Variants in SHROOM4 observed in about 807,000 individuals in gnomAD.
SHROOM4 encodes protein Shroom4.
SHROOM4 carries 17 observed loss-of-function variants against 80.3 expected under a neutral mutation model. The observed-to-expected ratio is 0.21, with a 90% CI of 0.14 to 0.32. SHROOM4 has a LOEUF of 0.32. Among genes scored for constraint, SHROOM4 ranks in the 10% least tolerant of loss-of-function variants. The pLI, the probability that SHROOM4 is intolerant of heterozygous loss-of-function variation, is 1.00. For synonymous variants in SHROOM4, 400 were observed against 437.5 expected, an observed-to-expected ratio of 0.91 and a Z score of 1.07; for missense variants, 993 against 1,140.3, an observed-to-expected ratio of 0.87 and a Z score of 1.86.
At chrX:50,606,418 T>C (rs1280322809) in intron 6 of SHROOM4, among the ~76,000 whole-genome samples, 1 of 110,447 alleles carries the variant, frequency 9.1e-6, no homozygotes, top group Non-Finnish European at 1.9e-5. Flanking sequence ...AAATTCCTGC[T>C]ATAAAGAGAG....
At chrX:50,631,052 T>C (rs1325390158) in intron 4 of SHROOM4, among the ~76,000 whole-genome samples, 1 of 69,936 alleles carries the variant, frequency 1.4e-5, no homozygotes, top group Non-Finnish European at 2.8e-5. Context: ...AGCATTACCT[T>C]GATACAAACA....
chrX:50,795,098 T>TG (rs1557271956), intron 1 of SHROOM4, among the ~76,000 whole-genome samples: 2 of 57,399 alleles, frequency 3.5e-5, no homozygotes, highest in African/African-American at 1.8e-4. Flanking sequence ...GATATATATA[T>TG]ATGATATATA....
chrX:50,795,062 GAT>G lies in SHROOM4; in HGVS notation c.117+18838_117+18839del, dbSNP rs1313471402. 4.7e-3 allele frequency among the ~76,000 whole-genome samples: 160 copies of G among 34,015 alleles called. 19 individuals carry two copies. The highest frequency in any genetic ancestry group is 0.014 in the African/African-American group (106 of 7,725). 29.5% of individuals were successfully genotyped at this position (34,015 alleles called of 115,157 possible). A position where few individuals can be genotyped will look rare whatever the true frequency, so the allele number is the denominator to read the frequency against. ...TCTCATATATATATGATATATATAT[GAT>G]ATATATATATGATATATATATATGA... On this transcript the variant is annotated intron_variant, in intron 1 of 8. Transcript: ENST00000376020.
At chrX:50,609,716 TTATATGTGTATA>T (rs1929870163) in intron 5 of SHROOM4, among the ~76,000 whole-genome samples, 1 of 109,173 alleles carries the variant, frequency 9.2e-6, no homozygotes, top group Non-Finnish European at 1.9e-5. Flanking sequence ...ATTATATATG[TTATATGTGTATA>T]TATATGTGTA....
At chrX:50,678,052 T>C (rs1250636531) in intron 2 of SHROOM4, among the ~76,000 whole-genome samples, 1 of 111,885 alleles carries the variant, frequency 8.9e-6, no homozygotes, top group Non-Finnish European at 1.9e-5. Context: ...GTCACATCCA[T>C]TCCATCCTGG....
intron 5 of SHROOM4, among the ~76,000 whole-genome samples, chrX:50,611,949 T>C (rs781985162): frequency 9.0e-6 from 1 of 110,706 alleles, no homozygotes; most frequent in Non-Finnish European, 1.9e-5. Flanking sequence ...AAAGAAAAAC[T>C]TGTAGCCTTA....
chrX:50,776,357 T>A (rs781990494), intron 1 of SHROOM4, among the ~76,000 whole-genome samples: 1 of 111,901 alleles, frequency 8.9e-6, no homozygotes, highest in Non-Finnish European at 1.9e-5. Context: ...CTAATAATAA[T>A]AATACAAGGT....
At chrX:50,781,190 A>C (rs1557270632) in intron 1 of SHROOM4, among the ~76,000 whole-genome samples, 1 of 110,781 alleles carries the variant, frequency 9.0e-6, no homozygotes, top group Admixed American at 9.5e-5. Flanking sequence ...GATCTTCTTT[A>C]TTCAGTCTAC....
chrX:50,706,956 G>A (rs1557264015), intron 1 of SHROOM4, among the ~76,000 whole-genome samples: 2 of 111,241 alleles, frequency 1.8e-5, no homozygotes, highest in African/African-American at 6.5e-5. Context: ...ACACACACAA[G>A]CCCTCACAAA....
At chrX:50,659,089 G>T (rs1569547168) in intron 2 of SHROOM4, among the ~76,000 whole-genome samples, 1 of 111,695 alleles carries the variant, frequency 9.0e-6, no homozygotes, top group Non-Finnish European at 1.9e-5. Context: ...TTCTAGAGAA[G>T]GAATAGCATA....
Position 50,634,907 on chromosome X carries a change from G to T in SHROOM4, c.1166C>A (p.Ala389Glu). The change falls in exon 4 of 9, where the codon GCA becomes GAA. Residue 389 changes from alanine to glutamate, a missense_variant. Ala to Glu is a moderately radical substitution (Grantham distance 107, BLOSUM62 -1). Coordinates refer to ENST00000376020, the MANE Select transcript of SHROOM4 (RefSeq NM_020717.5). ...VDSNPLNEAS[A>E]ELAKASFGRP... ...GCCAAAAGAAGCCTTAGCTAGCTCT[G>T]CAGAAGCCTCATTGAGTGGGTTGGA... 1 of 1,208,417 alleles carries T rather than the reference G, an allele frequency of 8.3e-7. No homozygotes were observed. Among genetic ancestry groups the T allele is most frequent in the Non-Finnish European group, 1.1e-6 (1 of 893,658 alleles).
intron 1 of SHROOM4, among the ~76,000 whole-genome samples, chrX:50,806,989 T>C (rs1936238996): frequency 1.8e-5 from 2 of 112,570 alleles, no homozygotes; most frequent in African/African-American, 6.4e-5. Flanking sequence ...TTAGGTTGTG[T>C]AATTTAATCA....
the SHROOM4 span, among the ~76,000 whole-genome samples, chrX:50,576,932 A>G: frequency 5.3e-5 from 6 of 112,181 alleles, no homozygotes; most frequent in South Asian, 2.2e-3. Context: ...ATCAGACAAT[A>G]TTATAATTTT....
At chrX:50,745,330 T>C (rs1934750637) in intron 1 of SHROOM4, among the ~76,000 whole-genome samples, 3 of 111,393 alleles carry the variant, frequency 2.7e-5, no homozygotes, top group South Asian at 7.7e-4. Context: ...TCAGTCCCCA[T>C]AGGCTATGTT....
At chrX:50,583,652 G>A (rs1318539739), downstream of SHROOM4, among the ~76,000 whole-genome samples, 1 of 111,649 alleles carries the variant, frequency 9.0e-6, no homozygotes, top group African/African-American at 3.3e-5. Flanking sequence ...TCTAGGAACT[G>A]CAGGCAGCCA....
At chrX:50,579,771 T>C in the SHROOM4 span, among the ~76,000 whole-genome samples, 1 of 111,464 alleles carries the variant, frequency 9.0e-6, no homozygotes, top group Non-Finnish European at 1.9e-5. Flanking sequence ...AGGAAGAGGA[T>C]AGGTGATAGT....
intron 2 of SHROOM4, among the ~76,000 whole-genome samples, chrX:50,664,260 T>C (rs1031379934): frequency 8.9e-6 from 1 of 112,300 alleles, no homozygotes; most frequent in African/African-American, 3.2e-5. Flanking sequence ...CCCAAGTCCA[T>C]TGCTCTATTC....
chrX:50,638,396 C>T, intron 2 of SHROOM4, 88 bp from the exon 3 acceptor site: 1 of 1,116,225 alleles, frequency 9.0e-7, no homozygotes, highest in African/African-American at 1.8e-5. Context: ...CCCTCTTTTC[C>T]TTCAGTAAAG....
chrX:50,634,391 T>C lies in SHROOM4; in HGVS notation c.1682A>G (p.Lys561Arg), dbSNP rs1931230230. ...CCTACCACCCATCCGGCTGCACTCC[T>C]TGGGCTCGCTGTCCCCTTCTTCACC... The part of the protein sequence containing the change: ...EAGEEGDSEP[K>R]ECSRMGGRRS... The change falls in exon 4 of 9, where the codon AAG becomes AGG. Residue 561 changes from lysine (K) to arginine (R), a missense_variant. By Grantham distance (26) the Lys-to-Arg change is conservative. Transcript: ENST00000376020. 1 of 1,209,071 alleles carries C rather than the reference T, an allele frequency of 8.3e-7. No individual in the cohort carries two copies. Among genetic ancestry groups the C allele is most frequent in the Non-Finnish European group, 1.1e-6 (1 of 894,880 alleles).
Sources: allele counts gnomAD v4.1 joint callset (sites outside exome capture counted in the v4.1 genomes callset), GRCh38; gene constraint gnomAD v4.1.1; transcripts MANE v1.5; gene names NCBI Gene and HGNC (gene_info 2026-07-23, HGNC 2026-07-21).